Variants in ANKRD12 observed in about 807,000 individuals in gnomAD.
ANKRD12 encodes the protein ankyrin repeat domain 12, also known as ankyrin repeat domain-containing protein 12.
A neutral mutation model predicts 183.4 loss-of-function variants in ANKRD12; 85 were observed. The observed-to-expected ratio is 0.46, with a 90% CI of 0.39 to 0.56. The LOEUF is 0.56. Ranked by LOEUF, ANKRD12 falls within the 20% of genes least tolerant of loss-of-function variation. ANKRD12 has a pLI of 0.00. For missense variants in ANKRD12, 2,405 were observed against 2,357.1 expected (o/e 1.02, Z -0.42); for synonymous variants, 914 against 800.2 (o/e 1.14, Z -2.40).
Position 9,280,879 on chromosome 18 carries a change from T to C in ANKRD12, c.6004-62T>C, listed in dbSNP as rs1598799243. 3 of 1,527,390 alleles carry C rather than the reference T, an allele frequency of 2.0e-6. No homozygotes were observed. In the African/African-American group the frequency reaches 4.2e-5, roughly 21 times the overall value. 94.6% of individuals were successfully genotyped at this position (1,527,390 alleles called of 1,614,324 possible). ...AGTTCCTAAAGAAACTGGATGAGAT[T>C]AATTTTTAAACAAAGCAAAGTTAAC... On this transcript the variant is annotated intron_variant, in intron 12 of 12. Coordinates refer to ENST00000262126, the MANE Select transcript of ANKRD12 (RefSeq NM_015208.5).
At chr18:9,169,695 G>A (rs997918222) in intron 1 of ANKRD12, among the ~76,000 whole-genome samples, 2 of 152,152 alleles carry the variant, frequency 1.3e-5, no homozygotes, top group Non-Finnish European at 2.9e-5. Flanking sequence ...TTTAATTGGA[G>A]CATTTGGCCC....
intron 7 of ANKRD12, 126 bp from the exon 8 acceptor site, chr18:9,221,726 G>A: frequency 1.1e-6 from 1 of 894,286 alleles, no homozygotes; most frequent in Non-Finnish European, 1.6e-6. Context: ...TAGAGTAGAT[G>A]GTGAGGAATG....
At chr18:9,150,326 C>G (rs1173758862) in intron 1 of ANKRD12, among the ~76,000 whole-genome samples, 1 of 152,134 alleles carries the variant, frequency 6.6e-6, no homozygotes, top group Non-Finnish European at 1.5e-5. Flanking sequence ...CCTGCCATCT[C>G]ATGTATTACT....
intron 1 of ANKRD12, among the ~76,000 whole-genome samples, chr18:9,176,628 A>T (rs1228118703): frequency 6.6e-6 from 1 of 151,414 alleles, no homozygotes; most frequent in East Asian, 1.9e-4. Flanking sequence ...TTAAAAAAAA[A>T]GAAAGAAAAA....
intron 1 of ANKRD12, among the ~76,000 whole-genome samples, chr18:9,142,858 T>A (rs2078366262): frequency 6.7e-6 from 1 of 148,278 alleles, no homozygotes; most frequent in Non-Finnish European, 1.5e-5. Flanking sequence ...CACTCCAGCC[T>A]GGGAGACAGA....
chr18:9,142,848 C>G (rs1598378387), intron 1 of ANKRD12, among the ~76,000 whole-genome samples: 1 of 151,534 alleles, frequency 6.6e-6, no homozygotes, highest in South Asian at 2.1e-4. Context: ...TGAGCCACTG[C>G]ACTCCAGCCT....
Position 9,230,027 on chromosome 18 carries a change from G to C in ANKRD12, c.943+8028G>C, listed in dbSNP as rs534308938. ...CCCTCCTCTTCAATTTTTTGGAGTA[G>C]TTGCAAGAAGATTGGTGTTAGTTCT... On this transcript the variant is annotated intron_variant, in intron 8 of 12. Transcript: ENST00000262126. Among the ~76,000 whole-genome samples, 28 of 152,264 alleles carry C rather than the reference G, an allele frequency of 1.8e-4. No individual in the cohort carries two copies. The South Asian group carries it at 4.6e-3, about 25-fold the overall frequency.
At chr18:9,267,961 A>G (rs2039394467) in intron 10 of ANKRD12, among the ~76,000 whole-genome samples, 1 of 152,274 alleles carries the variant, frequency 6.6e-6, no homozygotes, top group African/African-American at 2.4e-5. Flanking sequence ...TCCCACAGAA[A>G]CACAAACTAC....
Position 9,279,794 on chromosome 18 carries a change from GACC to G in ANKRD12, c.6003+153_6003+155del, listed in dbSNP as rs2040023338. 3.5e-5 allele frequency: 19 copies of G among 546,802 alleles called. No individual in the cohort carries two copies. The South Asian group carries it at 5.0e-4, about 14-fold the overall frequency. 33.9% of individuals were successfully genotyped at this position (546,802 alleles called of 1,614,324 possible). On this transcript the variant is annotated intron_variant, in intron 12 of 12. Coordinates refer to ENST00000262126, the MANE Select transcript of ANKRD12 (RefSeq NM_015208.5). ...ACTGGGCCACAATTGGAAAGATAAA[GACC>G]ACAAGTCCATTTTAAGGACTAGTTG...
At chr18:9,250,563 G>A (rs1433743029) in intron 8 of ANKRD12, among the ~76,000 whole-genome samples, 1 of 151,914 alleles carries the variant, frequency 6.6e-6, no homozygotes, top group Non-Finnish European at 1.5e-5. Context: ...CACAAAAAAA[G>A]AAGAAACTAG....
intron 10 of ANKRD12, among the ~76,000 whole-genome samples, chr18:9,270,033 CAG>C (rs1313071181): frequency 2.0e-5 from 3 of 152,274 alleles, no homozygotes; most frequent in East Asian, 3.9e-4. Context: ...CACTGGCCAT[CAG>C]AGAAATGCAA....
At chr18:9,151,248 G>A (rs1462207881) in intron 1 of ANKRD12, among the ~76,000 whole-genome samples, 1 of 152,086 alleles carries the variant, frequency 6.6e-6, no homozygotes, top group Non-Finnish European at 1.5e-5. Context: ...AAATGTGAGG[G>A]AATTAAGCTG....
In ANKRD12 at chr18:9,193,628, T is replaced by TA. The variant is rs772122118; in HGVS notation, c.88-1915dup. ...TCATCTTTTGGTTTTATTGCTACTT[T>TA]AAAAAAAATGACATTAATTTGTTAT... On this transcript the variant is annotated intron_variant, in intron 2 of 12. Transcript: ENST00000262126. Among the ~76,000 whole-genome samples the TA allele has an allele frequency of 3.3e-4, 50 of 152,160 alleles. 1 individual carries two copies. The highest frequency in any genetic ancestry group is 5.2e-4 in the Admixed American group (8 of 15,278).
chr18:9,279,681 C>T, intron 12 of ANKRD12, 37 bp downstream of exon 12: 1 of 1,215,142 alleles, frequency 8.2e-7, no homozygotes, highest in Non-Finnish European at 1.2e-6. Flanking sequence ...ATGAATGCTT[C>T]CCCCTTCTTA....
rs772559529 is a variant in ANKRD12 at position 9,275,643 on chromosome 18, A to G, written c.5883A>G (p.Val1961=). 4 of 1,601,288 alleles carry G rather than the reference A, an allele frequency of 2.5e-6. No individual in the cohort carries two copies. The highest frequency in any genetic ancestry group is 1.1e-5 in the South Asian group (1 of 89,650). The change falls in exon 11 of 13, where the codon GTA becomes GTG. Residue 1961 remains valine (V), a synonymous_variant. Coordinates refer to ENST00000262126, the MANE Select transcript of ANKRD12 (RefSeq NM_015208.5). ...GTACTGTTTTGCTGGATGCCGAAGT[A>G]TACAATGTACCATTGGACTCTCAGG... ...SACTVLLDAE[V]YNVPLDSQSD...
At chr18:9,171,465 A>G (rs1389525712) in intron 1 of ANKRD12, among the ~76,000 whole-genome samples, 1 of 152,160 alleles carries the variant, frequency 6.6e-6, no homozygotes, top group Non-Finnish European at 1.5e-5. Context: ...TGATCCTGTC[A>G]TCATGATGCT....
intron 10 of ANKRD12, among the ~76,000 whole-genome samples, chr18:9,273,460 G>C (rs1304990151): frequency 6.6e-6 from 1 of 152,104 alleles, no homozygotes; most frequent in African/African-American, 2.4e-5. Flanking sequence ...CAGTAGAATG[G>C]CTGTAATAAA....
chr18:9,232,849 T>TTTG (rs35915363), intron 8 of ANKRD12, among the ~76,000 whole-genome samples: 118,873 of 150,170 alleles, frequency 0.79, 47,244 homozygotes, highest in Middle Eastern at 0.88. Context: ...AAGACCTGAT[T>TTTG]TTGTTGTTGT....
chr18:9,212,026 A>G (rs911968645), intron 6 of ANKRD12, among the ~76,000 whole-genome samples: 1 of 152,104 alleles, frequency 6.6e-6, no homozygotes, highest in Admixed American at 6.5e-5. Context: ...TACTTGCTGT[A>G]TAGTTCTTTA....
Sources: allele counts gnomAD v4.1 joint callset (sites outside exome capture counted in the v4.1 genomes callset), GRCh38; gene constraint gnomAD v4.1.1; transcripts MANE v1.5; gene names NCBI Gene and HGNC (gene_info 2026-07-23, HGNC 2026-07-21).